PARVG: variants seen among roughly 807,000 people sequenced by gnomAD.
PARVG encodes parvin gamma.
In PARVG, 36 loss-of-function variants were observed where a neutral mutation model predicts 44.4. The ratio of observed to expected loss-of-function variants is 0.81; its 90% confidence interval spans 0.62 to 1.07. The LOEUF is 1.07. PARVG is among the 50% of genes least tolerant of loss of function. The probability of loss-of-function intolerance (pLI) is 0.00; values close to 1 mark genes in which losing one functional copy is unlikely to be tolerated. For missense variants in PARVG, 407 were observed against 407.4 expected (o/e 1.00, Z 0.01); for synonymous variants, 170 against 174.1 (o/e 0.98, Z 0.19).
intron 1 of PARVG, among the ~76,000 whole-genome samples, chr22:44,175,116 C>CT (rs2054306803): frequency 6.6e-6 from 1 of 152,202 alleles, no homozygotes; most frequent in South Asian, 2.1e-4. Context: ...GAGGGAAACT[C>CT]GGTCTCAAAA....
At chr22:44,177,294 A>C (rs1386986998), upstream of PARVG, among the ~76,000 whole-genome samples, 1 of 152,188 alleles carries the variant, frequency 6.6e-6, no homozygotes, top group South Asian at 2.1e-4. Context: ...CTCTAAATAC[A>C]TCAGTGTAGC....
chr22:44,180,222 T>G (rs952884539), upstream of PARVG, among the ~76,000 whole-genome samples: 5 of 152,176 alleles, frequency 3.3e-5, no homozygotes, highest in African/African-American at 1.2e-4. Flanking sequence ...GTGATTCTGT[T>G]CCTGGGCTCT....
rs759332061 is a variant in PARVG at position 44,196,331 on chromosome 22, G to T, written c.643-16G>T. On this transcript the variant is annotated splice_polypyrimidine_tract_variant and intron_variant, in intron 10 of 13. Transcript: ENST00000444313. Reference sequence around the variant, plus strand: ...CACACCTGCTGTGTGCTAGGCCCTTGTTCTTCCCTGGTTAGGCCATCGTGA... The same window carrying T: ...CACACCTGCTGTGTGCTAGGCCCTTTTTCTTCCCTGGTTAGGCCATCGTGA... 2 of 1,614,088 alleles carry T rather than the reference G, an allele frequency of 1.2e-6. No individual in the cohort carries two copies. The highest frequency in any genetic ancestry group is 1.3e-5 in the African/African-American group (1 of 74,938).
intron 12 of PARVG, among the ~76,000 whole-genome samples, chr22:44,205,041 G>A (rs1384528657): frequency 1.3e-5 from 2 of 152,192 alleles, no homozygotes; most frequent in African/African-American, 4.8e-5. Context: ...GCCCTGGGCA[G>A]GGACTAAGCT....
At position 44,183,371 on chromosome 22, in the gene PARVG, G is replaced by T. The variant is rs531298440; in HGVS notation, c.42G>T (p.Lys14Asn). Residue 14 changes from lysine to asparagine, a missense_variant, in exon 3 of 14, where the codon AAG (lysine) becomes AAT (asparagine). By Grantham distance (94) the Lys-to-Asn change is moderately conservative. Coordinates refer to ENST00000444313, the MANE Select transcript of PARVG (RefSeq NM_022141.7). ...EFLYDLLQLP[K>N]GVEPPAEEEL... ...TGTACGACCTGCTGCAGCTCCCCAA[G>T]GGGGTGGAGCCCCCAGCGGAGGAGG... is the stretch of plus-strand genomic sequence containing the variant. 3.1e-6 allele frequency: 5 copies of T among 1,609,906 alleles called. No individual in the cohort carries two copies. In the South Asian group the frequency reaches 5.6e-5, roughly 18 times the overall value.
At chr22:44,198,375 T>G (rs1267473984) in intron 11 of PARVG, among the ~76,000 whole-genome samples, 1 of 152,190 alleles carries the variant, frequency 6.6e-6, no homozygotes, top group African/African-American at 2.4e-5. Context: ...AAAACTGATA[T>G]GAGGCTTTTC....
At chr22:44,198,511 G>T in intron 11 of PARVG, 110 bp from the exon 12 acceptor site, 1 of 813,742 alleles carries the variant, frequency 1.2e-6, no homozygotes. Flanking sequence ...CAAGGCACCA[G>T]AGGCTCAGAG....
At position 44,206,878 on chromosome 22, in the gene PARVG, G is replaced by T; in HGVS notation, c.*452G>T. The T allele has an allele frequency of 5.4e-6, 1 of 185,656 alleles. No homozygotes were observed. Among genetic ancestry groups the T allele is most frequent in the Admixed American group, 6.2e-5 (1 of 16,188 alleles). The allele number at this position is 185,656 out of a possible 1,614,324, so 11.5% of individuals were successfully genotyped here. ...CCACACCCACCTGCTTCTCACTCGG[G>T]AGGATGGGCCCCAGAGTCACCCTCC... On this transcript the variant is annotated 3_prime_UTR_variant, in exon 14 of 14. Transcript: ENST00000444313.
rs138249121 is a variant in PARVG at position 44,190,196 on chromosome 22, A to C, written c.389-355A>C. On this transcript the variant is annotated intron_variant, in intron 6 of 13. Transcript: ENST00000444313. ...ATCAGTAATTGATGTTGATGAAATC[A>C]ACCCTGAATTAAGTCACATGCAGCT... Among the ~76,000 whole-genome samples, 1,153 of 152,332 alleles carry C rather than the reference A, an allele frequency of 7.6e-3. 9 individuals carry two copies. Among genetic ancestry groups the C allele is most frequent in the Non-Finnish European group, 0.013 (897 of 68,044 alleles).
Position 44,180,978 on chromosome 22 carries a change from T to A in PARVG, c.-396T>A, listed in dbSNP as rs1394589748. ...TGTTTCTCTATCTACTGTGCTGAGATCTCTCCTTCTCGAACCCTGCTATGC... is the reference window on the plus strand; with the variant it reads ...TGTTTCTCTATCTACTGTGCTGAGAACTCTCCTTCTCGAACCCTGCTATGC... On this transcript the variant is annotated 5_prime_UTR_variant, in exon 1 of 14. Coordinates refer to ENST00000444313, the MANE Select transcript of PARVG (RefSeq NM_022141.7). The A allele has an allele frequency of 7.1e-6, 7 of 985,346 alleles. No homozygotes were observed. In the East Asian group the frequency reaches 8.0e-4, roughly 112 times the overall value. The allele number at this position is 985,346 out of a possible 1,614,324, so 61.0% of individuals were successfully genotyped here. A position where few individuals can be genotyped will look rare whatever the true frequency, so the allele number is the denominator to read the frequency against.
intron 5 of PARVG, chr22:44,188,238 C>T (rs1371945733): frequency 7.8e-6 from 2 of 257,702 alleles, no homozygotes; most frequent in South Asian, 5.2e-5. Context: ...AGAGAGAAAA[C>T]GGGCAGTCCT....
At chr22:44,199,775 G>C (rs1361554864) in intron 12 of PARVG, among the ~76,000 whole-genome samples, 1 of 152,178 alleles carries the variant, frequency 6.6e-6, no homozygotes, top group Non-Finnish European at 1.5e-5. Flanking sequence ...GGAGGGAATA[G>C]CATCAGCAAA....
chr22:44,192,023 A>C, intron 7 of PARVG, 26 bp from the exon 8 acceptor site: 1 of 1,612,864 alleles, frequency 6.2e-7, no homozygotes. Flanking sequence ...GGATTATTTA[A>C]TTTCTTCCCC....
At chr22:44,193,162 C>A (rs1433907826) in intron 8 of PARVG, among the ~76,000 whole-genome samples, 3 of 152,138 alleles carry the variant, frequency 2.0e-5, no homozygotes, top group African/African-American at 7.2e-5. Context: ...GAGACTTGGC[C>A]TGCCCTGGAC....
intron 7 of PARVG, 109 bp from the exon 8 acceptor site, chr22:44,191,940 C>T: frequency 1.6e-6 from 2 of 1,257,900 alleles, no homozygotes; most frequent in Non-Finnish European, 2.3e-6. Context: ...ACAATTAAGC[C>T]AGAGGCTGTC....
chr22:44,200,043 C>T (rs1439050114), intron 12 of PARVG, among the ~76,000 whole-genome samples: 2 of 152,100 alleles, frequency 1.3e-5, no homozygotes, highest in East Asian at 1.9e-4. Flanking sequence ...CAGCTCCCAC[C>T]GCCTCTTCCC....
intron 12 of PARVG, among the ~76,000 whole-genome samples, chr22:44,202,626 T>C (rs896332251): frequency 6.6e-6 from 1 of 152,254 alleles, no homozygotes; most frequent in Non-Finnish European, 1.5e-5. Context: ...TACAGCATAT[T>C]GTGGGCAATC....
intron 12 of PARVG, among the ~76,000 whole-genome samples, chr22:44,202,820 T>C (rs577587986): frequency 1.3e-5 from 2 of 152,212 alleles, no homozygotes; most frequent in Admixed American, 6.5e-5. Flanking sequence ...TAGTTATTCA[T>C]TGTGGGCACG....
chr22:44,184,819 G>A (rs2054439661), intron 3 of PARVG: 1 of 152,232 alleles, frequency 6.6e-6, no homozygotes. Flanking sequence ...CCTGAGGAAA[G>A]TTGCTGAGTT....
Sources: allele counts gnomAD v4.1 joint callset (sites outside exome capture counted in the v4.1 genomes callset), GRCh38; gene constraint gnomAD v4.1.1; transcripts MANE v1.5; gene names NCBI Gene and HGNC (gene_info 2026-07-23, HGNC 2026-07-21).